Variants in SMAD9 observed in about 807,000 individuals in gnomAD.
SMAD9 encodes SMAD family member 9, also known as MAD homolog 9.
SMAD9 carries 36 observed loss-of-function variants against 46.1 expected under a neutral mutation model. The ratio of observed to expected loss-of-function variants is 0.78; its 90% CI spans 0.60 to 1.03. The LOEUF (loss-of-function observed/expected upper bound fraction) is 1.03, where lower values mean the gene tolerates loss of function less well. SMAD9 is among the 50% of genes least tolerant of loss of function. The pLI, the probability that SMAD9 is intolerant of heterozygous loss-of-function variation, is 0.00. For synonymous variants in SMAD9, 245 were observed against 237.1 expected (o/e 1.03, Z -0.31); for missense variants, 572 against 599.8 (o/e 0.95, Z 0.48).
At chr13:36,909,867 T>C (rs1414248457) in intron 1 of SMAD9, among the ~76,000 whole-genome samples, 1 of 152,172 alleles carries the variant, frequency 6.6e-6, no homozygotes, top group Non-Finnish European at 1.5e-5. Context: ...ATTCCTCCTG[T>C]AGGCTTCACT....
At chr13:36,877,858 A>T (rs2058360586) in intron 2 of SMAD9, among the ~76,000 whole-genome samples, 1 of 152,156 alleles carries the variant, frequency 6.6e-6, no homozygotes, top group Admixed American at 6.5e-5. Context: ...GGCTGGGCAT[A>T]AATCACTTAT....
intron 1 of SMAD9, among the ~76,000 whole-genome samples, chr13:36,917,672 T>C (rs146647409): frequency 7.9e-5 from 12 of 152,328 alleles, no homozygotes; most frequent in Middle Eastern, 3.4e-3. Flanking sequence ...ATATTTGTCA[T>C]AACCTTTACC....
chr13:36,876,259 A>T (rs1046153382), intron 2 of SMAD9, among the ~76,000 whole-genome samples: 4 of 152,162 alleles, frequency 2.6e-5, no homozygotes, highest in East Asian at 1.9e-4. Flanking sequence ...CTGTCTTTTT[A>T]AAAAAAGTCA....
intron 1 of SMAD9, among the ~76,000 whole-genome samples, chr13:36,909,615 G>A (rs563743301): frequency 6.6e-6 from 1 of 152,248 alleles, no homozygotes; most frequent in South Asian, 2.1e-4. Flanking sequence ...GAAGCAAGAG[G>A]CAACATGATA....
rs140504903 is a variant in SMAD9, at chr13:36,853,562, C to T, written c.1117G>A (p.Val373Ile). 3.5e-4 allele frequency: 557 copies of T among 1,614,054 alleles called. 1 individual carries two copies. The highest frequency in any genetic ancestry group is 4.6e-4 in the Non-Finnish European group (541 of 1,180,048). The change falls in exon 6 of 7, where the codon GTC (valine) becomes ATC (isoleucine). Residue 373 changes from valine to isoleucine, a missense_variant. Physicochemically the swap from Val to Ile is conservative, Grantham distance 29. Coordinates refer to ENST00000379826, the MANE Select transcript of SMAD9 (RefSeq NM_001127217.3). ...NYQHGFHPAT[V>I]CKIPSGCSLK... ...CTGCAGCCGCTGGGGATCTTGCAGA[C>T]GGTAGCTGGGTGGAAGCCGTGTTGA...
rs1276849815 is a variant in SMAD9, at chr13:36,920,138, G to A, written c.-209C>T. ...CACTGCCTGGCTGCGCGCGCCCAGC[G>A]CCTGCAGGGCCCGGCGGCGGCGGCG... On this transcript the variant is annotated 5_prime_UTR_variant, in exon 1 of 7. Coordinates refer to ENST00000379826, the MANE Select transcript of SMAD9 (RefSeq NM_001127217.3). The A allele has an allele frequency of 6.5e-6, 1 of 152,738 alleles. No homozygotes were observed. The highest frequency in any genetic ancestry group is 2.4e-5 in the African/African-American group (1 of 40,984). 9.5% of individuals were successfully genotyped at this position (152,738 alleles called of 1,614,324 possible). A position where few individuals can be genotyped will look rare whatever the true frequency, so the allele number is the denominator to read the frequency against.
At chr13:36,912,770 C>T (rs2138702373) in intron 1 of SMAD9, among the ~76,000 whole-genome samples, 1 of 152,274 alleles carries the variant, frequency 6.6e-6, no homozygotes, top group Middle Eastern at 3.4e-3. Context: ...TTCTATTTTA[C>T]CTCTACCTTC....
At chr13:36,889,949 T>C (rs908356080) in intron 1 of SMAD9, among the ~76,000 whole-genome samples, 2 of 151,818 alleles carry the variant, frequency 1.3e-5, no homozygotes, top group Admixed American at 1.3e-4. Flanking sequence ...TTATCAAAAA[T>C]ATAAACTTAG....
chr13:36,917,916 G>A (rs1012884705), intron 1 of SMAD9, among the ~76,000 whole-genome samples: 2 of 152,156 alleles, frequency 1.3e-5, no homozygotes, highest in African/African-American at 4.8e-5. Context: ...TTTTCATATT[G>A]ACATTGAATA....
chr13:36,903,336 A>G (rs1485272972), intron 1 of SMAD9, among the ~76,000 whole-genome samples: 1 of 152,050 alleles, frequency 6.6e-6, no homozygotes, highest in African/African-American at 2.4e-5. Flanking sequence ...CACGTTGGTC[A>G]GGCTGGTCTT....
intron 5 of SMAD9, among the ~76,000 whole-genome samples, chr13:36,854,542 T>G (rs2058104714): frequency 6.6e-6 from 1 of 152,048 alleles, no homozygotes; most frequent in Admixed American, 6.6e-5. Flanking sequence ...TAATTTTTGT[T>G]TTTTAGTAGA....
At chr13:36,885,138 A>C (rs1057099284) in intron 1 of SMAD9, among the ~76,000 whole-genome samples, 1 of 152,222 alleles carries the variant, frequency 6.6e-6, no homozygotes, top group Non-Finnish European at 1.5e-5. Context: ...AGGAACATTT[A>C]ATCCCCTCCA....
intron 1 of SMAD9, among the ~76,000 whole-genome samples, chr13:36,896,327 C>A (rs1195742025): frequency 1.3e-5 from 2 of 151,894 alleles, no homozygotes; most frequent in Non-Finnish European, 2.9e-5. Context: ...GAGACAAGGT[C>A]TCTTTATGTT....
intron 2 of SMAD9, among the ~76,000 whole-genome samples, chr13:36,876,512 T>G (rs1456393881): frequency 6.6e-6 from 1 of 152,256 alleles, no homozygotes; most frequent in Non-Finnish European, 1.5e-5. Flanking sequence ...GTTTCTAGTT[T>G]ACACTTGTTT....
At position 36,845,229 on chromosome 13, in the gene SMAD9, T is replaced by C. The variant is rs1305139274; in HGVS notation, c.*3447A>G. On this transcript the variant is annotated 3_prime_UTR_variant, in exon 7 of 7. Transcript: ENST00000379826. ...TTTTGTTGCTGTTTTGTTGCTGTTA[T>C]GGGAACATCCATATCCTTAGAAGAC... The C allele has an allele frequency of 1.3e-5, 2 of 152,098 alleles. No homozygotes were observed. The highest frequency in any genetic ancestry group is 2.9e-5 in the Non-Finnish European group (2 of 68,028). 9.4% of individuals were successfully genotyped at this position (152,098 alleles called of 1,614,324 possible). A position where few individuals can be genotyped will look rare whatever the true frequency, so the allele number is the denominator to read the frequency against.
intron 5 of SMAD9, among the ~76,000 whole-genome samples, chr13:36,856,256 G>A (rs1365685984): frequency 6.6e-6 from 1 of 152,180 alleles, no homozygotes; most frequent in African/African-American, 2.4e-5. Context: ...GAGCTGCTAA[G>A]GATTTAGTCG....
intron 5 of SMAD9, 71 bp downstream of exon 5, chr13:36,865,466 C>T (rs1006729369): frequency 7.9e-6 from 10 of 1,265,336 alleles, no homozygotes; most frequent in Admixed American, 3.4e-5. Flanking sequence ...AGGGTGGTCA[C>T]GTGCACTTCT....
At chr13:36,877,890 G>A (rs2058360848) in intron 2 of SMAD9, among the ~76,000 whole-genome samples, 1 of 152,154 alleles carries the variant, frequency 6.6e-6, no homozygotes, top group South Asian at 2.1e-4. Context: ...TTAAGGTTAA[G>A]TGAACCTGCC....
intron 2 of SMAD9, among the ~76,000 whole-genome samples, chr13:36,874,391 C>T (rs1043072097): frequency 6.6e-6 from 1 of 152,228 alleles, no homozygotes; most frequent in Non-Finnish European, 1.5e-5. Flanking sequence ...CTCAACTTCC[C>T]ACTCTAACCC....
Sources: gnomAD v4.1 joint callset for allele counts (sites outside exome capture counted in the v4.1 genomes callset) on GRCh38, gnomAD v4.1.1 for gene constraint, MANE v1.5 for transcripts, NCBI Gene and HGNC (gene_info 2026-07-23, HGNC 2026-07-21) for gene names.